Variants in SND1 observed in about 807,000 individuals in gnomAD.
SND1 encodes the protein staphylococcal nuclease domain-containing protein 1.
SND1 carries 38 observed loss-of-function variants against 121.7 expected under a neutral mutation model. The ratio of observed to expected loss-of-function variants is 0.31; its 90% CI spans 0.24 to 0.41. The LOEUF is 0.41. SND1 is among the 10% of genes least tolerant of loss of function. SND1 has a pLI of 1.00. For missense variants in SND1, 868 were observed against 1,184.6 expected (o/e 0.73, Z 3.92); for synonymous variants, 401 against 447.4 (o/e 0.90, Z 1.31).
intron 10 of SND1, among the ~76,000 whole-genome samples, chr7:127,744,276 A>C (rs1262750285): frequency 6.6e-6 from 1 of 151,072 alleles, no homozygotes; most frequent in African/African-American, 2.4e-5. Flanking sequence ...TGTTCTTTTC[A>C]TTCAATTTGC....
At chr7:127,774,688 C>T (rs988018388) in intron 10 of SND1, among the ~76,000 whole-genome samples, 1 of 151,912 alleles carries the variant, frequency 6.6e-6, no homozygotes, top group African/African-American at 2.4e-5. Flanking sequence ...CAGCAATTCT[C>T]CTGTCTCAGC....
chr7:127,774,333 A>G (rs1214824545), intron 10 of SND1, among the ~76,000 whole-genome samples: 1 of 152,256 alleles, frequency 6.6e-6, no homozygotes, highest in Non-Finnish European at 1.5e-5. Context: ...GAAAGTTTAT[A>G]AAGTAAAAAA....
chr7:127,865,464 G>T (rs891790187), intron 12 of SND1, among the ~76,000 whole-genome samples: 5 of 152,198 alleles, frequency 3.3e-5, no homozygotes, highest in African/African-American at 7.2e-5. Flanking sequence ...GCAGGAACTG[G>T]ATGTGTTCTT....
At chr7:128,084,549 A>G (rs530708658) in intron 18 of SND1, among the ~76,000 whole-genome samples, 175 bp from the exon 19 acceptor site, 2 of 152,236 alleles carry the variant, frequency 1.3e-5, no homozygotes, top group South Asian at 2.1e-4. Context: ...ATGGCATGAA[A>G]CCTCTGGAGT....
At chr7:127,847,883 G>T (rs1008098242) in intron 12 of SND1, among the ~76,000 whole-genome samples, 3 of 152,200 alleles carry the variant, frequency 2.0e-5, no homozygotes, top group Non-Finnish European at 1.5e-5. Flanking sequence ...ACTTTTATGG[G>T]TTATGGAGGG....
intron 10 of SND1, among the ~76,000 whole-genome samples, chr7:127,736,483 T>C (rs1796778313): frequency 6.6e-6 from 1 of 152,244 alleles, no homozygotes; most frequent in Admixed American, 6.5e-5. Context: ...ATATCAGTTA[T>C]TTCCAATTTT....
intron 1 of SND1, among the ~76,000 whole-genome samples, chr7:127,652,692 C>T (rs961758182): frequency 2.0e-5 from 3 of 152,210 alleles, no homozygotes; most frequent in Admixed American, 1.3e-4. Context: ...TTGCGGCATT[C>T]GGATCTCCTG....
chr7:127,997,503 T>C (rs922777630), intron 16 of SND1: 2 of 343,990 alleles, frequency 5.8e-6, no homozygotes, highest in Non-Finnish European at 1.1e-5. Flanking sequence ...TCCTGCTTCA[T>C]CTGCTGTTTG....
chr7:127,994,743 G>A lies in SND1; in HGVS notation c.1779+3687G>A, dbSNP rs575198778. ...GTTTGATTGTTTGAAACGGAGTCTCGCTCTGTCGCCCAGGCTGGAGTGCAG... is the reference window on the plus strand; with the variant it reads ...GTTTGATTGTTTGAAACGGAGTCTCACTCTGTCGCCCAGGCTGGAGTGCAG... On this transcript the variant is annotated intron_variant, in intron 16 of 23. Coordinates refer to ENST00000354725, the MANE Select transcript of SND1 (RefSeq NM_014390.4). 2.6e-5 allele frequency among the ~76,000 whole-genome samples: 4 copies of A among 152,002 alleles called. No homozygotes were observed. The East Asian group carries it at 5.8e-4, about 22-fold the overall frequency.
At chr7:128,054,540 G>A (rs530508007) in intron 16 of SND1, among the ~76,000 whole-genome samples, 2 of 152,310 alleles carry the variant, frequency 1.3e-5, no homozygotes, top group East Asian at 3.9e-4. Flanking sequence ...ACGGAGGTTG[G>A]CATTAGCAAT....
intron 11 of SND1, among the ~76,000 whole-genome samples, chr7:127,815,289 A>G (rs552413928): frequency 6.6e-6 from 1 of 152,102 alleles, no homozygotes; most frequent in Non-Finnish European, 1.5e-5. Flanking sequence ...GTGATACTGG[A>G]TTATGATGGA....
At chr7:127,967,191 A>G (rs1327446980) in intron 15 of SND1, among the ~76,000 whole-genome samples, 1 of 152,154 alleles carries the variant, frequency 6.6e-6, no homozygotes, top group East Asian at 1.9e-4. Flanking sequence ...TGGAGAAGGC[A>G]GAAGGTCGAA....
At chr7:127,897,770 T>G (rs557843910) in intron 13 of SND1, among the ~76,000 whole-genome samples, 7 of 152,248 alleles carry the variant, frequency 4.6e-5, no homozygotes, top group African/African-American at 1.7e-4. Context: ...TGATTAAAAT[T>G]TTGAACCATA....
At chr7:127,737,282 A>G (rs1796794374) in intron 10 of SND1, among the ~76,000 whole-genome samples, 2 of 152,286 alleles carry the variant, frequency 1.3e-5, no homozygotes, top group Admixed American at 6.5e-5. Context: ...GTTCTCAAGA[A>G]GTGGTATGGT....
chr7:127,812,144 CTT>C (rs1798345850), intron 11 of SND1, among the ~76,000 whole-genome samples: 1 of 152,182 alleles, frequency 6.6e-6, no homozygotes, highest in Non-Finnish European at 1.5e-5. Context: ...GAATTAAAGA[CTT>C]TTAGAAATGT....
chr7:127,704,140 G>A (rs1170865777), intron 7 of SND1, among the ~76,000 whole-genome samples: 5 of 152,164 alleles, frequency 3.3e-5, no homozygotes, highest in Non-Finnish European at 7.4e-5. Context: ...TGATAGTTGG[G>A]TTATTCTTAG....
rs557702330 is a variant in SND1 at position 128,011,606 on chromosome 7, G to A, written c.1779+20550G>A. Reference sequence around the variant, plus strand: ...TACCCCAGCTGCACATTGGAATCATGGAGTATGGAGGCTTAGGAAAGCTAC... The same window carrying A: ...TACCCCAGCTGCACATTGGAATCATAGAGTATGGAGGCTTAGGAAAGCTAC... On this transcript the variant is annotated intron_variant, in intron 16 of 23. Transcript: ENST00000354725. Among the ~76,000 whole-genome samples the A allele has an allele frequency of 1.4e-4, 21 of 152,136 alleles. 1 individual carries two copies. Among genetic ancestry groups the A allele is most frequent in the Admixed American group, 6.5e-5 (1 of 15,276 alleles).
At chr7:127,814,883 A>G (rs188985040) in intron 11 of SND1, among the ~76,000 whole-genome samples, 1 of 152,278 alleles carries the variant, frequency 6.6e-6, no homozygotes, top group African/African-American at 2.4e-5. Flanking sequence ...TAGTTGGGTG[A>G]TAGAAGTGAT....
chr7:127,950,892 C>A (rs1184858632), intron 15 of SND1, among the ~76,000 whole-genome samples: 1 of 151,984 alleles, frequency 6.6e-6, no homozygotes, highest in Non-Finnish European at 1.5e-5. Flanking sequence ...TTTTTTTAAT[C>A]CCCAAACATT....
Sources: gnomAD v4.1 joint callset for allele counts (sites outside exome capture counted in the v4.1 genomes callset) on GRCh38, gnomAD v4.1.1 for gene constraint, MANE v1.5 for transcripts, NCBI Gene and HGNC (gene_info 2026-07-23, HGNC 2026-07-21) for gene names.